The following SBK1 variants were observed in gnomAD, a reference collection of about 807,000 sequenced individuals.
The protein encoded by SBK1 is SH3 domain binding kinase 1, also known as serine/threonine-protein kinase SBK1.
Under a neutral mutation model 24.4 loss-of-function variants are expected in SBK1, and 11 were observed. That is an observed-to-expected ratio of 0.45 (90% CI 0.28 to 0.75). The LOEUF (loss-of-function observed/expected upper bound fraction) is 0.75. Among genes scored for constraint, SBK1 ranks in the 30% least tolerant of loss-of-function variants. The pLI is 0.12. For synonymous variants in SBK1, 308 were observed against 284.4 expected (o/e 1.08, Z -0.83); for missense variants, 467 against 620.5 (o/e 0.75, Z 2.63).
At chr16:28,278,771 T>C (rs2044510656) in intron 1 of SBK1, among the ~76,000 whole-genome samples, 1 of 152,190 alleles carries the variant, frequency 6.6e-6, no homozygotes, top group Non-Finnish European at 1.5e-5. Flanking sequence ...CTCAGCCAAC[T>C]ACTCACCCCG....
At chr16:28,287,253 C>A (rs2044571094) in intron 1 of SBK1, among the ~76,000 whole-genome samples, 1 of 139,424 alleles carries the variant, frequency 7.2e-6, no homozygotes, top group African/African-American at 2.7e-5. Context: ...CCAGCCTGAC[C>A]AATATGGTGA....
chr16:28,290,977 C>T (rs1169868191), upstream of SBK1: 4 of 152,202 alleles, frequency 2.6e-5, no homozygotes, highest in African/African-American at 9.7e-5. Context: ...ACGCACAGCC[C>T]ACGATGTCTC....
At chr16:28,277,633 T>G (rs1367666911) in intron 1 of SBK1, among the ~76,000 whole-genome samples, 1 of 152,204 alleles carries the variant, frequency 6.6e-6, no homozygotes, top group Non-Finnish European at 1.5e-5. Context: ...CACTCCAGCC[T>G]GGGCGACAGT....
chr16:28,266,195 T>G (rs1260291950), intron 1 of SBK1, among the ~76,000 whole-genome samples: 1 of 151,854 alleles, frequency 6.6e-6, no homozygotes, highest in East Asian at 1.9e-4. Context: ...CAAGACCCTG[T>G]CTCTACAAAA....
intron 1 of SBK1, among the ~76,000 whole-genome samples, chr16:28,260,836 G>T (rs1053391858): frequency 1.3e-5 from 2 of 152,180 alleles, no homozygotes; most frequent in African/African-American, 2.4e-5. Context: ...TGGGTGCACA[G>T]TGCCTAGGAA....
At chr16:28,287,030 G>A (rs1484101985) in intron 1 of SBK1, 1 of 152,054 alleles carries the variant, frequency 6.6e-6, no homozygotes, top group Non-Finnish European at 1.5e-5. Context: ...GAGAGGTGGA[G>A]GTTGCAGTGA....
upstream of SBK1, among the ~76,000 whole-genome samples, chr16:28,290,008 C>T (rs1481116457): frequency 6.7e-6 from 1 of 150,240 alleles, no homozygotes. Context: ...ATCACTTGAT[C>T]CCAGGAGGTT....
intron 1 of SBK1, among the ~76,000 whole-genome samples, chr16:28,306,977 G>C (rs947261513): frequency 1.3e-5 from 2 of 152,204 alleles, no homozygotes; most frequent in Non-Finnish European, 2.9e-5. Context: ...TAGGAAGTCA[G>C]TGGCAGGGCT....
At chr16:28,282,039 T>C (rs972165285) in intron 1 of SBK1, among the ~76,000 whole-genome samples, 4 of 152,154 alleles carry the variant, frequency 2.6e-5, no homozygotes, top group African/African-American at 9.7e-5. Flanking sequence ...AGCTTCCCCA[T>C]CTGGGGGAAG....
At chr16:28,287,432 G>A (rs1266309529) in intron 1 of SBK1, among the ~76,000 whole-genome samples, 1 of 146,112 alleles carries the variant, frequency 6.8e-6, no homozygotes, top group Non-Finnish European at 1.5e-5. Context: ...CTGGGTGACA[G>A]AGCAAGACTC....
At chr16:28,296,150 C>T (rs755880242) in intron 1 of SBK1, among the ~76,000 whole-genome samples, 6 of 146,656 alleles carry the variant, frequency 4.1e-5, no homozygotes, top group African/African-American at 1.0e-4. Context: ...GCTGAAGTGT[C>T]GTGGCACAAT....
chr16:28,266,415 T>C (rs1279561545), intron 1 of SBK1, among the ~76,000 whole-genome samples: 1 of 152,120 alleles, frequency 6.6e-6, no homozygotes, highest in Non-Finnish European at 1.5e-5. Context: ...AGTGGATTTT[T>C]AAAGGTGTGT....
intron 1 of SBK1, among the ~76,000 whole-genome samples, chr16:28,293,857 A>T (rs894289230): frequency 6.6e-6 from 1 of 151,948 alleles, no homozygotes; most frequent in Non-Finnish European, 1.5e-5. Context: ...CTGCTGCCCG[A>T]CCCAGGCCAC....
chr16:28,280,504 A>G (rs1012132916), intron 1 of SBK1, among the ~76,000 whole-genome samples: 1 of 150,514 alleles, frequency 6.6e-6, no homozygotes, highest in South Asian at 2.1e-4. Flanking sequence ...CCAGGACTCA[A>G]TTTCTACCCC....
chr16:28,318,979 C>G lies in SBK1; in HGVS notation c.227-16C>G. On this transcript the variant is annotated splice_polypyrimidine_tract_variant and intron_variant, in intron 2 of 3. Transcript: ENST00000341901. Reference sequence around the variant, plus strand: ...GGGAGAGGGGGCTTCAACCCTGTTGCTGTTGCTCCCATCAGGCACAAAAAT... The same window carrying G: ...GGGAGAGGGGGCTTCAACCCTGTTGGTGTTGCTCCCATCAGGCACAAAAAT... The G allele has an allele frequency of 1.2e-6, 2 of 1,608,188 alleles. No homozygotes were observed. The highest frequency in any genetic ancestry group is 1.7e-6 in the Non-Finnish European group (2 of 1,174,602).
intron 1 of SBK1, among the ~76,000 whole-genome samples, chr16:28,302,966 G>GGC (rs1555537949): frequency 1.3e-5 from 2 of 151,978 alleles, no homozygotes; most frequent in South Asian, 2.1e-4. Context: ...GGGCATGGGG[G>GGC]GGGGTCAGGA....
In SBK1 at chr16:28,320,504, G is replaced by A. The variant is rs771397279; in HGVS notation, c.858G>A (p.Glu286=). Residue 286 remains glutamate, a synonymous_variant, in exon 4 of 4, where the codon GAG becomes GAA. Transcript: ENST00000341901. The surrounding 1 kb of genome is among the most constrained non-coding windows in gnomAD (Gnocchi z 8.5). ...CTTCGCAGTGGCGCCGCTTCACCGA[G>A]CCCGCGCTGCGCATGTTCCAGCGCT... The part of the protein sequence containing the change: ...GLPSQWRRFT[E]PALRMFQRLL... 3.2e-6 allele frequency: 5 copies of A among 1,571,844 alleles called. No individual in the cohort carries two copies. Among genetic ancestry groups the A allele is most frequent in the Admixed American group, 1.8e-5 (1 of 56,836 alleles).
rs34582546 is a variant in SBK1 at position 28,279,413 on chromosome 16, C to CAAAAAAAAAAAAAAA, written c.257+19918_257+19932dup. 4.7e-5 allele frequency among the ~76,000 whole-genome samples: 4 copies of CAAAAAAAAAAAAAAA among 84,740 alleles called. 1 individual carries two copies. The highest frequency in any genetic ancestry group is 8.7e-5 in the Non-Finnish European group (4 of 45,910). The allele number at this position is 84,740 out of a possible 152,430, so 55.6% of individuals were successfully genotyped here. ...AGATCTGGTCTCTAAAAAACAAAAC[C>CAAAAAAAAAAAAAAA]AAAAAAAAAAAAAAAAAAAAACCAC... On this transcript the variant is annotated intron_variant, in intron 1 of 3. Transcript: ENST00000671413.
At chr16:28,308,817 C>A (rs531523859) in intron 1 of SBK1, among the ~76,000 whole-genome samples, 272 of 151,312 alleles carry the variant, frequency 1.8e-3, no homozygotes, top group African/African-American at 6.2e-3. Context: ...GGGGTCCTCA[C>A]TCTGTTGTCC....
Sources: gnomAD v4.1 joint callset for allele counts (sites outside exome capture counted in the v4.1 genomes callset) on GRCh38, gnomAD v4.1.1 for gene constraint, Gnocchi (gnomAD v3.1) non-coding constraint, MANE v1.5 for transcripts, NCBI Gene and HGNC (gene_info 2026-07-23, HGNC 2026-07-21) for gene names.